Variants in TEX26 observed in about 807,000 individuals in gnomAD.
The protein encoded by TEX26 is testis expressed 26.
Under a neutral mutation model 35.3 loss-of-function variants are expected in TEX26, and 34 were observed. The ratio of observed to expected loss-of-function variants is 0.96; its 90% confidence interval spans 0.73 to 1.28. TEX26 has a LOEUF of 1.28. Ranked by LOEUF, TEX26 falls within the 50% of genes most tolerant of loss-of-function variation. TEX26 has a pLI of 0.00. For synonymous variants in TEX26, 136 were observed against 111.8 expected (o/e 1.22, Z -1.36); for missense variants, 371 against 330.1 (o/e 1.12, Z -0.96).
intron 3 of TEX26, among the ~76,000 whole-genome samples, chr13:30,953,713 C>T (rs1412303113): frequency 6.6e-6 from 1 of 152,208 alleles, no homozygotes; most frequent in African/African-American, 2.4e-5. Flanking sequence ...AAAGCCATCT[C>T]TAAGTTCCTT....
intron 3 of TEX26, among the ~76,000 whole-genome samples, chr13:30,956,350 A>C (rs535328659): frequency 6.6e-6 from 1 of 151,818 alleles, no homozygotes; most frequent in East Asian, 1.9e-4. Context: ...TGAACTCATC[A>C]TTTTTTATGG....
chr13:30,947,122 A>C (rs1412204), intron 2 of TEX26, among the ~76,000 whole-genome samples: 13,413 of 152,184 alleles, frequency 0.088, 724 homozygotes, highest in Admixed American at 0.12. Context: ...CTGAGTTATC[A>C]CAATTATTTT....
At chr13:30,935,997 G>A (rs1019551602) in intron 1 of TEX26, among the ~76,000 whole-genome samples, 1 of 152,174 alleles carries the variant, frequency 6.6e-6, no homozygotes, top group African/African-American at 2.4e-5. Context: ...GATAATCCAG[G>A]ATGATTTCCT....
chr13:30,975,133 T>A lies in TEX26; in HGVS notation c.*226T>A, dbSNP rs1283021619. 6.2e-6 allele frequency: 2 copies of A among 324,862 alleles called. No individual in the cohort carries two copies. The highest frequency in any genetic ancestry group is 1.1e-5 in the Non-Finnish European group (2 of 179,870). The allele number at this position is 324,862 out of a possible 1,614,324, so 20.1% of individuals were successfully genotyped here. On this transcript the variant is annotated 3_prime_UTR_variant, in exon 7 of 7. Transcript: ENST00000380473. Reference sequence around the variant, plus strand: ...TTTAGCTGTATCCAATAGTTTTTGATACAATGTTTTTTTCTTTTCCCTTTT... The same window carrying A: ...TTTAGCTGTATCCAATAGTTTTTGAAACAATGTTTTTTTCTTTTCCCTTTT...
chr13:30,962,574 A>C (rs1954385401), intron 4 of TEX26, among the ~76,000 whole-genome samples: 1 of 152,092 alleles, frequency 6.6e-6, no homozygotes, highest in Non-Finnish European at 1.5e-5. Flanking sequence ...CCTGGTTCTT[A>C]CTTCTTTTGT....
intron 4 of TEX26, among the ~76,000 whole-genome samples, chr13:30,959,639 G>A (rs544417538): frequency 2.2e-4 from 34 of 152,086 alleles, no homozygotes; most frequent in Middle Eastern, 3.4e-3. Flanking sequence ...TTTTCTCTAC[G>A]TGTTTACTTT....
chr13:30,956,809 A>T, intron 3 of TEX26, 64 bp from the exon 4 acceptor site: 1 of 1,423,342 alleles, frequency 7.0e-7, no homozygotes, highest in South Asian at 1.2e-5. Flanking sequence ...ACAGACACTC[A>T]GATTATTGAT....
chr13:30,941,537 G>T lies in TEX26; in HGVS notation c.146+1759G>T, dbSNP rs572839675. 6.6e-5 allele frequency among the ~76,000 whole-genome samples: 10 copies of T among 152,196 alleles called. No individual in the cohort carries two copies. In the South Asian group the frequency reaches 2.1e-3, roughly 32 times the overall value. On this transcript the variant is annotated intron_variant, in intron 2 of 6. Transcript: ENST00000380473. ...GCTTTTGCGGTACAGGTGGTTTTTG[G>T]TTACATGGGTGCATTGCATAATGGT... is the stretch of plus-strand genomic sequence containing the variant.
At chr13:30,936,515 C>G (rs919937427) in intron 1 of TEX26, among the ~76,000 whole-genome samples, 1 of 152,204 alleles carries the variant, frequency 6.6e-6, no homozygotes, top group African/African-American at 2.4e-5. Context: ...TATGATGACC[C>G]CTGGGCCTGC....
intron 5 of TEX26, 78 bp downstream of exon 5, chr13:30,966,476 C>T (rs778112782): frequency 4.2e-5 from 56 of 1,326,972 alleles, no homozygotes; most frequent in East Asian, 7.4e-5. Flanking sequence ...TCCCTCTTGT[C>T]GCCCAGGCTG....
chr13:30,943,551 A>G (rs1953593211), intron 2 of TEX26, among the ~76,000 whole-genome samples: 1 of 152,080 alleles, frequency 6.6e-6, no homozygotes, highest in African/African-American at 2.4e-5. Context: ...CAGGCCTCAG[A>G]GGAAATGCTT....
chr13:30,946,627 T>C (rs1057100894), intron 2 of TEX26, among the ~76,000 whole-genome samples: 2 of 151,972 alleles, frequency 1.3e-5, no homozygotes, highest in East Asian at 1.9e-4. Context: ...AATTTCTTTT[T>C]TCCCCCTTAA....
intron 4 of TEX26, among the ~76,000 whole-genome samples, chr13:30,962,336 C>T (rs1049474137): frequency 6.6e-6 from 1 of 152,222 alleles, no homozygotes; most frequent in African/African-American, 2.4e-5. Context: ...CAGCCCCCAC[C>T]CTCATGACCT....
chr13:30,940,355 A>G (rs1210344721), intron 2 of TEX26, among the ~76,000 whole-genome samples: 3 of 49,186 alleles, frequency 6.1e-5, no homozygotes, highest in Non-Finnish European at 1.1e-4. Flanking sequence ...TTTTTTTGAG[A>G]CAGAGTCTCG....
chr13:30,969,480 A>T (rs771053082), intron 6 of TEX26, among the ~76,000 whole-genome samples: 6 of 151,716 alleles, frequency 4.0e-5, no homozygotes, highest in Admixed American at 3.9e-4. Flanking sequence ...TCTATATATC[A>T]CTCTCTGAAG....
chr13:30,966,434 T>A, intron 5 of TEX26, 36 bp downstream of exon 5: 4 of 230,158 alleles, frequency 1.7e-5, no homozygotes, highest in Non-Finnish European at 1.7e-5. Context: ...CTTTTTCTCT[T>A]TTTTTTTTTT....
chr13:30,949,165 C>T (rs893861438), intron 2 of TEX26, among the ~76,000 whole-genome samples: 3 of 152,124 alleles, frequency 2.0e-5, no homozygotes, highest in Non-Finnish European at 4.4e-5. Flanking sequence ...GGTTTGAAGT[C>T]AGGTGGTGTG....
intron 6 of TEX26, among the ~76,000 whole-genome samples, chr13:30,972,128 T>C (rs566513295): frequency 6.6e-6 from 1 of 152,272 alleles, no homozygotes; most frequent in Admixed American, 6.5e-5. Flanking sequence ...TAGCAGTCTG[T>C]GAGGGGTACT....
intron 2 of TEX26, among the ~76,000 whole-genome samples, chr13:30,946,721 G>C (rs183812996): frequency 6.6e-6 from 1 of 151,956 alleles, no homozygotes; most frequent in Admixed American, 6.6e-5. Flanking sequence ...TAAGTTCCTT[G>C]GTTATAGAGA....
Sources: gnomAD v4.1 joint callset for allele counts (sites outside exome capture counted in the v4.1 genomes callset) on GRCh38, gnomAD v4.1.1 for gene constraint, MANE v1.5 for transcripts, NCBI Gene and HGNC (gene_info 2026-07-23, HGNC 2026-07-21) for gene names.